Variants in AS3MT observed in about 807,000 individuals in gnomAD.
AS3MT encodes S-adenosyl-L-methionine:arsenic(III) methyltransferase.
In AS3MT, 47 loss-of-function variants were observed where a neutral mutation model predicts 45.3. The ratio of observed to expected loss-of-function variants is 1.04; its 90% CI spans 0.82 to 1.32. The LOEUF (loss-of-function observed/expected upper bound fraction) is 1.32, where lower values mean the gene tolerates loss of function less well. Among genes scored for constraint, AS3MT ranks in the 40% most tolerant of loss-of-function variants. The pLI is 0.00. For missense variants in AS3MT, 396 were observed against 451.1 expected, an observed-to-expected ratio of 0.88 and a Z score of 1.11; for synonymous variants, 141 against 152.8, an observed-to-expected ratio of 0.92 and a Z score of 0.57.
chr10:102,882,434 G>A (rs1305120907), intron 9 of AS3MT, among the ~76,000 whole-genome samples: 2 of 150,982 alleles, frequency 1.3e-5, no homozygotes. Context: ...TTAGACACAG[G>A]GTCTTGCTAT....
intron 9 of AS3MT, among the ~76,000 whole-genome samples, chr10:102,884,379 C>T (rs1844914282): frequency 2.0e-5 from 3 of 152,174 alleles, no homozygotes; most frequent in South Asian, 4.1e-4. Flanking sequence ...CTTTAACCAA[C>T]ATCTATCCTG....
At chr10:102,870,322 C>T (rs754345280) in intron 3 of AS3MT, 111 bp downstream of exon 3, 68 of 1,362,934 alleles carry the variant, frequency 5.0e-5, no homozygotes, top group Non-Finnish European at 6.6e-5. Context: ...ATCAGCTTGC[C>T]TTGTCTATTG....
rs1009725409 is a variant in AS3MT, at chr10:102,881,611, A to G, written c.885+2620A>G. ...ATAATACTTACTTTGCAGAATTTCT[A>G]TAAGGATTAGCAATAATGTAGCAAA... On this transcript the variant is annotated intron_variant, in intron 9 of 10. Coordinates refer to ENST00000369880, the MANE Select transcript of AS3MT (RefSeq NM_020682.4). The surrounding 1 kb of genome is among the most constrained non-coding windows in gnomAD (Gnocchi z 4.2). Among the ~76,000 whole-genome samples the G allele has an allele frequency of 3.3e-5, 5 of 152,354 alleles. No individual in the cohort carries two copies. The highest frequency in any genetic ancestry group is 1.3e-4 in the Admixed American group (2 of 15,294).
intron 9 of AS3MT, chr10:102,888,308 AATTG>A (rs2134124702): frequency 6.6e-6 from 1 of 152,320 alleles, no homozygotes; most frequent in East Asian, 1.9e-4. Flanking sequence ...ATTGATACAT[AATTG>A]ATGTAGCTAT....
rs1844655193 is a variant in AS3MT, at chr10:102,870,228, TG to T, written c.170+18del. On this transcript the variant is annotated intron_variant, in intron 3 of 10. Coordinates refer to ENST00000369880, the MANE Select transcript of AS3MT (RefSeq NM_020682.4). ...AGCCCTAAGGTAGAGTGCCCTGTGCTGTCCCCAGGAAGACCCCAAACAGCAG... is the reference window on the plus strand; with the variant it reads ...AGCCCTAAGGTAGAGTGCCCTGTGCTTCCCCAGGAAGACCCCAAACAGCAG... The T allele has an allele frequency of 6.2e-7, 1 of 1,614,006 alleles. No homozygotes were observed. The highest frequency in any genetic ancestry group is 1.1e-5 in the South Asian group (1 of 91,070).
chr10:102,899,600 A>G (rs1845238274), intron 10 of AS3MT, among the ~76,000 whole-genome samples: 1 of 152,048 alleles, frequency 6.6e-6, no homozygotes, highest in Non-Finnish European at 1.5e-5. Context: ...AGTGACCAGA[A>G]TAAGTAGTAG....
intron 9 of AS3MT, among the ~76,000 whole-genome samples, chr10:102,888,851 C>CTATATATATA (rs553598133): frequency 2.2e-5 from 2 of 91,698 alleles, no homozygotes; most frequent in African/African-American, 8.9e-5. Context: ...TCATCAAACC[C>CTATATATATA]TATATATATA....
In AS3MT at chr10:102,901,339, A is replaced by G. The variant is rs1217242160; in HGVS notation, c.*639A>G. On this transcript the variant is annotated 3_prime_UTR_variant, in exon 11 of 11. Transcript: ENST00000369880. ...CTCCCAAGTAGCTGGGACTACAGGCACCTACCACCATGCCCAGCTAATTTT... is the reference window on the plus strand; with the variant it reads ...CTCCCAAGTAGCTGGGACTACAGGCGCCTACCACCATGCCCAGCTAATTTT... 2.0e-5 allele frequency: 3 copies of G among 151,792 alleles called. No individual in the cohort carries two copies. Among genetic ancestry groups the G allele is most frequent in the Non-Finnish European group, 4.4e-5 (3 of 68,022 alleles). The allele number at this position is 151,792 out of a possible 1,614,324, so 9.4% of individuals were successfully genotyped here.
chr10:102,869,730 C>A (rs1338050738), intron 1 of AS3MT, 75 bp from the exon 2 acceptor site: 38 of 1,611,684 alleles, frequency 2.4e-5, no homozygotes, highest in Non-Finnish European at 3.1e-5. Flanking sequence ...CCGCTGCCTG[C>A]CCTTTACTGG....
At chr10:102,873,516 T>A (rs1844730266) in intron 5 of AS3MT, among the ~76,000 whole-genome samples, 1 of 152,072 alleles carries the variant, frequency 6.6e-6, no homozygotes, top group Non-Finnish European at 1.5e-5. Flanking sequence ...AAACTCCTGA[T>A]CTCAGGTGAT....
intron 5 of AS3MT, 42 bp downstream of exon 5, chr10:102,873,275 T>C: frequency 2.3e-6 from 3 of 1,322,330 alleles, no homozygotes; most frequent in Non-Finnish European, 3.0e-6. Flanking sequence ...GCCCATTTTC[T>C]TTATTATTAT....
chr10:102,872,430 G>T lies in AS3MT; in HGVS notation c.171-18G>T. 3 of 1,612,864 alleles carry T rather than the reference G, an allele frequency of 1.9e-6. No individual in the cohort carries two copies. The highest frequency in any genetic ancestry group is 2.5e-6 in the Non-Finnish European group (3 of 1,179,560). On this transcript the variant is annotated intron_variant, in intron 3 of 10. Coordinates refer to ENST00000369880, the MANE Select transcript of AS3MT (RefSeq NM_020682.4). Reference sequence around the variant, plus strand: ...CTTACAGTCTCCAGGGAAAAAATATGTGTTTTCCATTTCCCAGATATTATG... The same window carrying T: ...CTTACAGTCTCCAGGGAAAAAATATTTGTTTTCCATTTCCCAGATATTATG...
chr10:102,875,673 A>G (rs1256417695), intron 6 of AS3MT, among the ~76,000 whole-genome samples: 1 of 151,188 alleles, frequency 6.6e-6, no homozygotes, highest in African/African-American at 2.4e-5. Flanking sequence ...TCCAGGCTGT[A>G]GTGCAGTGGC....
chr10:102,891,821 A>C (rs1251167970), intron 10 of AS3MT, among the ~76,000 whole-genome samples: 1 of 151,820 alleles, frequency 6.6e-6, no homozygotes, highest in Non-Finnish European at 1.5e-5. Flanking sequence ...ATGGTGGTGC[A>C]TGCTGGTAGT....
At chr10:102,883,972 C>CTTTA (rs1564793144) in intron 9 of AS3MT, among the ~76,000 whole-genome samples, 2 of 142,656 alleles carry the variant, frequency 1.4e-5, no homozygotes, top group East Asian at 4.3e-4. Context: ...TCTTTTCTTT[C>CTTTA]TTTATTTCTT....
chr10:102,892,555 T>C (rs1027723125), intron 10 of AS3MT, among the ~76,000 whole-genome samples: 1 of 152,106 alleles, frequency 6.6e-6, no homozygotes, highest in Admixed American at 6.6e-5. Context: ...CATAAAGAAT[T>C]TCCTGCTTCT....
At chr10:102,873,973 G>T (rs184133876) in intron 5 of AS3MT, among the ~76,000 whole-genome samples, 2 of 152,274 alleles carry the variant, frequency 1.3e-5, no homozygotes, top group Admixed American at 6.5e-5. Flanking sequence ...GCCTTGTGCC[G>T]GCCAGGTGCG....
intron 9 of AS3MT, among the ~76,000 whole-genome samples, chr10:102,883,083 G>A (rs1391792856): frequency 8.3e-6 from 1 of 120,188 alleles, no homozygotes; most frequent in Non-Finnish European, 1.8e-5. Flanking sequence ...TAAGCAAAAT[G>A]TTTTATATAT....
intron 9 of AS3MT, among the ~76,000 whole-genome samples, chr10:102,888,881 A>ATATAT (rs1491503446): frequency 1.9e-5 from 1 of 52,522 alleles, no homozygotes; most frequent in African/African-American, 7.0e-5. Flanking sequence ...ATATATATAT[A>ATATAT]TTTTTTTTTT....
Sources: allele counts gnomAD v4.1 joint callset (sites outside exome capture counted in the v4.1 genomes callset), GRCh38; gene constraint gnomAD v4.1.1; non-coding constraint Gnocchi (gnomAD v3.1); transcripts MANE v1.5; gene names NCBI Gene and HGNC (gene_info 2026-07-23, HGNC 2026-07-21).